Variants in LIPI observed in about 807,000 individuals in gnomAD.
LIPI encodes lipase member I.
LIPI carries 59 observed loss-of-function variants against 50.6 expected under a neutral mutation model. That is an observed-to-expected ratio of 1.16 (90% CI 0.94 to 1.45). LIPI has a LOEUF of 1.45. Among genes scored for constraint, LIPI ranks in the 40% most tolerant of loss-of-function variants. The probability of loss-of-function intolerance (pLI) is 0.00; values close to 1 mark genes in which losing one functional copy is unlikely to be tolerated. For synonymous variants in LIPI, 203 were observed against 178.2 expected (o/e 1.14, Z -1.11); for missense variants, 586 against 536.3 (o/e 1.09, Z -0.92).
intron 9 of LIPI, among the ~76,000 whole-genome samples, chr21:14,113,052 G>A (rs2016478370): frequency 6.6e-6 from 1 of 152,164 alleles, no homozygotes; most frequent in Admixed American, 6.6e-5. Flanking sequence ...ATCCAAGCTA[G>A]CTTAATAAAT....
intron 1 of LIPI, among the ~76,000 whole-genome samples, chr21:14,203,698 G>C (rs561058172): frequency 2.6e-5 from 4 of 152,146 alleles, no homozygotes; most frequent in South Asian, 2.1e-4. Flanking sequence ...GTGTGGGTAG[G>C]GGGGAGGGAT....
chr21:14,196,576 C>T (rs1320442537), intron 1 of LIPI, among the ~76,000 whole-genome samples: 1 of 151,982 alleles, frequency 6.6e-6, no homozygotes, highest in Admixed American at 6.6e-5. Context: ...TCTGTAATCC[C>T]AGAACTCTGG....
chr21:14,152,088 T>A (rs1214659955), intron 8 of LIPI, among the ~76,000 whole-genome samples: 1 of 149,788 alleles, frequency 6.7e-6, no homozygotes, highest in East Asian at 1.9e-4. Flanking sequence ...TATTTATTTA[T>A]TTATTTATTT....
intron 9 of LIPI, among the ~76,000 whole-genome samples, chr21:14,139,488 C>T (rs1362553033): frequency 1.3e-5 from 2 of 152,010 alleles, no homozygotes; most frequent in South Asian, 2.1e-4. Flanking sequence ...AACAACTATT[C>T]CTTTAGTGCC....
At chr21:14,114,177 CAA>C (rs78186842) in intron 9 of LIPI, among the ~76,000 whole-genome samples, 252 of 127,760 alleles carry the variant, frequency 2.0e-3, no homozygotes, top group Admixed American at 2.8e-3. Context: ...GACTCTGTCT[CAA>C]AAAAAAAAAA....
In LIPI at chr21:14,186,028, C is replaced by T; in HGVS notation, c.474G>A (p.Val158=). 1 of 1,605,942 alleles carries T rather than the reference C, an allele frequency of 6.2e-7. No individual in the cohort carries two copies. Among genetic ancestry groups the T allele is most frequent in the East Asian group, 2.2e-5 (1 of 44,794 alleles). The change falls in exon 3 of 10, where the codon GTG becomes GTA. Residue 158 remains valine, a synonymous_variant. Transcript: ENST00000681601. ...ATCCACTGATATGAGCCCCTAAGCT[C>T]ACACCTATGAAATGAAAATTGTCAA... is the stretch of plus-strand genomic sequence containing the variant. The part of the protein sequence containing the change: ...ASLDNFHFIG[V]SLGAHISGFV...
rs1156288339 is a variant in LIPI at position 14,186,065 on chromosome 21, T to C, written c.437A>G (p.His146Arg). The part of the protein sequence containing the change: ...LSVHIKNLLK[H>R]GASLDNFHFI... ...ATGAAAATTGTCAAGAGATGCACCATGCTTCTGCAATTAAAGAGAAAGGCA... is the reference window on the plus strand; with the variant it reads ...ATGAAAATTGTCAAGAGATGCACCACGCTTCTGCAATTAAAGAGAAAGGCA... Residue 146 changes from histidine to arginine, a missense_variant, in exon 3 of 10, where the codon CAT becomes CGT. His to Arg is a conservative substitution (Grantham distance 29). Transcript: ENST00000681601. 1.3e-6 allele frequency: 2 copies of C among 1,552,390 alleles called. No homozygotes were observed. Among genetic ancestry groups the C allele is most frequent in the East Asian group, 4.5e-5 (2 of 44,558 alleles).
intron 9 of LIPI, among the ~76,000 whole-genome samples, chr21:14,110,000 T>C (rs2016338063): frequency 6.6e-6 from 1 of 151,938 alleles, no homozygotes; most frequent in Non-Finnish European, 1.5e-5. Flanking sequence ...GAAAAGAATA[T>C]TATGTATCTA....
intron 9 of LIPI, among the ~76,000 whole-genome samples, chr21:14,137,521 G>C (rs1259042687): frequency 6.6e-6 from 1 of 151,448 alleles, no homozygotes; most frequent in African/African-American, 2.4e-5. Context: ...TTAAAGACAG[G>C]CTATTTGAAA....
At chr21:14,183,780 C>T (rs1349174116) in intron 3 of LIPI, among the ~76,000 whole-genome samples, 4 of 152,234 alleles carry the variant, frequency 2.6e-5, no homozygotes, top group East Asian at 1.9e-4. Context: ...AATGAGATAC[C>T]ATCTCACACC....
At chr21:14,178,632 C>A (rs1381214850) in intron 4 of LIPI, among the ~76,000 whole-genome samples, 1 of 151,888 alleles carries the variant, frequency 6.6e-6, no homozygotes, top group South Asian at 2.1e-4. Context: ...TAGCAAAAAC[C>A]ACAATTACTT....
At chr21:14,183,254 G>A (rs1295978687) in intron 3 of LIPI, among the ~76,000 whole-genome samples, 2 of 151,996 alleles carry the variant, frequency 1.3e-5, no homozygotes, top group African/African-American at 4.8e-5. Flanking sequence ...AATGGTGCTG[G>A]GAAAACTGGC....
At chr21:14,195,112 C>T (rs1215201748) in intron 1 of LIPI, among the ~76,000 whole-genome samples, 4 of 152,022 alleles carry the variant, frequency 2.6e-5, no homozygotes, top group Non-Finnish European at 4.4e-5. Context: ...CTTGTCAAGT[C>T]GGGGAGAAAC....
intron 9 of LIPI, among the ~76,000 whole-genome samples, chr21:14,137,846 G>C (rs1359462682): frequency 6.6e-6 from 1 of 152,096 alleles, no homozygotes; most frequent in Non-Finnish European, 1.5e-5. Context: ...GATAAAAAAA[G>C]GGACCTAAGA....
In LIPI at chr21:14,204,674, C is replaced by T. The variant is rs141040397; in HGVS notation, c.46+6126G>A. On this transcript the variant is annotated intron_variant, in intron 1 of 9. Transcript: ENST00000681601. The stretch of plus-strand genomic sequence containing the variant: ...AGAATGGGGACACCCATAAATATAT[C>T]ATTTTAACTATAATAATTATGGCAA... 1.0e-3 allele frequency among the ~76,000 whole-genome samples: 153 copies of T among 152,002 alleles called. 2 individuals are homozygous for T. In the East Asian group the frequency reaches 0.013, roughly 12 times the overall value.
chr21:14,132,422 A>AAC (rs1009215693), intron 9 of LIPI, among the ~76,000 whole-genome samples: 3 of 152,140 alleles, frequency 2.0e-5, no homozygotes, highest in Admixed American at 6.5e-5. Context: ...AAGTGCTGAA[A>AAC]ACACACACAC....
chr21:14,119,700 T>C (rs1005008950), intron 9 of LIPI, among the ~76,000 whole-genome samples: 2 of 152,170 alleles, frequency 1.3e-5, no homozygotes, highest in Admixed American at 6.5e-5. Context: ...CAAAGGCCTT[T>C]TACCTGTATG....
intron 1 of LIPI, among the ~76,000 whole-genome samples, chr21:14,207,844 T>C (rs554960506): frequency 8.5e-4 from 129 of 152,358 alleles, no homozygotes; most frequent in Non-Finnish European, 1.8e-3. Flanking sequence ...GCTTTCTACG[T>C]GACCAAATCA....
At chr21:14,164,887 T>C (rs1432744028) in intron 6 of LIPI, among the ~76,000 whole-genome samples, 1 of 152,200 alleles carries the variant, frequency 6.6e-6, no homozygotes, top group Non-Finnish European at 1.5e-5. Context: ...TTGCCAAGAC[T>C]GTGCAAGTTT....
Sources: gnomAD v4.1 joint callset for allele counts (sites outside exome capture counted in the v4.1 genomes callset) on GRCh38, gnomAD v4.1.1 for gene constraint, MANE v1.5 for transcripts, NCBI Gene and HGNC (gene_info 2026-07-23, HGNC 2026-07-21) for gene names.